The following ELMO1 variants were observed in gnomAD, a reference collection of about 807,000 sequenced individuals.
ELMO1 encodes the protein engulfment and cell motility 1.
Under a neutral mutation model 98.9 loss-of-function variants are expected in ELMO1, and 26 were observed. The observed-to-expected ratio is 0.26, with a 90% CI of 0.19 to 0.36. ELMO1 has a LOEUF of 0.36. Ranked by LOEUF, ELMO1 falls within the 10% of genes least tolerant of loss-of-function variation. The pLI, the probability that ELMO1 is intolerant of heterozygous loss-of-function variation, is 1.00. For synonymous variants in ELMO1, 346 were observed against 346.0 expected (o/e 1.00, Z 0.00); for missense variants, 627 against 935.2 (o/e 0.67, Z 4.30).
At chr7:37,154,937 G>A (rs1157182465) in intron 13 of ELMO1, among the ~76,000 whole-genome samples, 1 of 152,200 alleles carries the variant, frequency 6.6e-6, no homozygotes, top group Non-Finnish European at 1.5e-5. Context: ...CCCACAAAGG[G>A]AAGCCCATCA....
rs1340708513 is a variant in ELMO1, at chr7:37,124,436, G to A, written c.1191+8694C>T. On this transcript the variant is annotated intron_variant, in intron 14 of 21. Coordinates refer to ENST00000310758, the MANE Select transcript of ELMO1 (RefSeq NM_014800.11). ...TAAGCTGATAGGCAACTTCAGCAAA[G>A]TCTCAGGATACAAAATCAATGTGCA... Among the ~76,000 whole-genome samples the A allele has an allele frequency of 2.0e-5, 3 of 152,294 alleles. No homozygotes were observed. In the East Asian group the frequency reaches 5.8e-4, roughly 29 times the overall value.
rs1055066688 is a variant in ELMO1, at chr7:37,146,915, T to A, written c.1087-13681A>T. On this transcript the variant is annotated intron_variant, in intron 13 of 21. Transcript: ENST00000310758. ...ACAAGTGACGAGGTACCTGTTATGG[T>A]TCTCATCCTATGGATGAGGTCAGAA... 2.6e-5 allele frequency among the ~76,000 whole-genome samples: 4 copies of A among 152,264 alleles called. 1 individual carries two copies. In the South Asian group the frequency reaches 8.3e-4, roughly 32 times the overall value.
intron 16 of ELMO1, among the ~76,000 whole-genome samples, chr7:37,004,944 A>T (rs949520802): frequency 4.6e-5 from 7 of 151,808 alleles, no homozygotes; most frequent in Non-Finnish European, 1.0e-4. Flanking sequence ...CCTCGTCTCT[A>T]CTAAAAATAC....
At chr7:36,922,152 T>C (rs1366021472) in intron 16 of ELMO1, among the ~76,000 whole-genome samples, 2 of 152,100 alleles carry the variant, frequency 1.3e-5, no homozygotes, top group African/African-American at 4.8e-5. Context: ...CTGAAGTAAT[T>C]TAACATAAAG....
chr7:37,274,714 G>T (rs184338471), intron 4 of ELMO1, among the ~76,000 whole-genome samples: 32 of 152,174 alleles, frequency 2.1e-4, no homozygotes, highest in African/African-American at 7.5e-4. Context: ...CACCAAGCCC[G>T]GCTAATTTTT....
At chr7:37,110,903 A>G (rs1490971371) in intron 14 of ELMO1, among the ~76,000 whole-genome samples, 1 of 152,112 alleles carries the variant, frequency 6.6e-6, no homozygotes, top group Non-Finnish European at 1.5e-5. Flanking sequence ...AGCGTAGGGG[A>G]TTTTTTGGTA....
At chr7:36,890,602 C>A (rs907857581) in intron 17 of ELMO1, among the ~76,000 whole-genome samples, 38 of 152,266 alleles carry the variant, frequency 2.5e-4, no homozygotes, top group Middle Eastern at 3.4e-3. Flanking sequence ...TCAGGAAATA[C>A]CTTTGTCCCT....
intron 6 of ELMO1, among the ~76,000 whole-genome samples, chr7:37,256,024 C>T (rs2717965): frequency 0.23 from 34,432 of 152,014 alleles, 4,088 homozygotes; most frequent in Middle Eastern, 0.32. Context: ...GATCCTGACA[C>T]ATTCCAGACC....
chr7:36,885,102 A>C (rs1315772183), intron 18 of ELMO1, among the ~76,000 whole-genome samples: 1 of 152,230 alleles, frequency 6.6e-6, no homozygotes, highest in Non-Finnish European at 1.5e-5. Flanking sequence ...ATTTTTAAGC[A>C]CAGAGCCAGT....
At chr7:37,198,133 G>A (rs191369550) in intron 13 of ELMO1, among the ~76,000 whole-genome samples, 4 of 152,258 alleles carry the variant, frequency 2.6e-5, no homozygotes, top group East Asian at 1.9e-4. Flanking sequence ...AAAATCCACC[G>A]CTTCCTTCAC....
At chr7:37,357,091 AC>A (rs1656430021) in intron 1 of ELMO1, among the ~76,000 whole-genome samples, 2 of 152,282 alleles carry the variant, frequency 1.3e-5, no homozygotes, top group Admixed American at 1.3e-4. Flanking sequence ...ATTAGGTCAC[AC>A]CCTTTGTCCA....
intron 1 of ELMO1, chr7:37,375,958 G>T: frequency 1.6e-6 from 1 of 607,798 alleles, no homozygotes; most frequent in Non-Finnish European, 3.0e-6. Context: ...GGCTGGGGCT[G>T]GGTCAGCAAC....
intron 7 of ELMO1, among the ~76,000 whole-genome samples, chr7:37,240,223 G>C (rs1232216597): frequency 6.6e-6 from 1 of 151,822 alleles, no homozygotes; most frequent in Non-Finnish European, 1.5e-5. Flanking sequence ...TTTTGTTGTA[G>C]AGATAGGTTT....
intron 14 of ELMO1, among the ~76,000 whole-genome samples, chr7:37,131,520 C>A (rs781598701): frequency 6.6e-6 from 1 of 152,314 alleles, no homozygotes; most frequent in Admixed American, 6.5e-5. Flanking sequence ...TTTAGAAACA[C>A]TCATCCATGA....
intron 16 of ELMO1, among the ~76,000 whole-genome samples, chr7:36,910,337 C>T (rs1436011656): frequency 6.6e-6 from 1 of 152,192 alleles, no homozygotes; most frequent in Non-Finnish European, 1.5e-5. Flanking sequence ...TGAACAGGCT[C>T]TAGTGCCATG....
intron 16 of ELMO1, among the ~76,000 whole-genome samples, chr7:36,941,292 C>A (rs975064047): frequency 6.6e-5 from 10 of 152,290 alleles, no homozygotes; most frequent in Middle Eastern, 3.4e-3. Flanking sequence ...TTATCTACGA[C>A]AATGTGCCTT....
intron 6 of ELMO1, among the ~76,000 whole-genome samples, chr7:37,257,529 C>G (rs892507757): frequency 4.1e-5 from 6 of 145,958 alleles, no homozygotes; most frequent in Non-Finnish European, 6.0e-5. Context: ...TCGAGACCAT[C>G]CTGGCTGACA....
intron 10 of ELMO1, among the ~76,000 whole-genome samples, chr7:37,219,578 G>A (rs1202176791): frequency 1.3e-5 from 2 of 152,172 alleles, no homozygotes; most frequent in Non-Finnish European, 1.5e-5. Context: ...GAGAAAATGG[G>A]CTTGGTGCTA....
intron 1 of ELMO1, among the ~76,000 whole-genome samples, chr7:37,419,469 T>C (rs1289552888): frequency 2.0e-5 from 3 of 152,168 alleles, no homozygotes; most frequent in African/African-American, 7.2e-5. Context: ...AGGGTTGTTG[T>C]AAAATTAGAT....
Sources: gnomAD v4.1 joint callset for allele counts (sites outside exome capture counted in the v4.1 genomes callset) on GRCh38, gnomAD v4.1.1 for gene constraint, MANE v1.5 for transcripts, NCBI Gene and HGNC (gene_info 2026-07-23, HGNC 2026-07-21) for gene names.